Variants in MACROD2 observed in about 807,000 individuals in gnomAD.
MACROD2 encodes mono-ADP ribosylhydrolase 2.
MACROD2 carries 36 observed loss-of-function variants against 70.4 expected under a neutral mutation model. The observed-to-expected ratio is 0.51, with a 90% CI of 0.39 to 0.68. The LOEUF (loss-of-function observed/expected upper bound fraction) is 0.68, where lower values mean the gene tolerates loss of function less well. MACROD2 is among the 30% of genes least tolerant of loss of function. The pLI, the probability that MACROD2 is intolerant of heterozygous loss-of-function variation, is 0.00. For synonymous variants in MACROD2, 172 were observed against 178.8 expected, an observed-to-expected ratio of 0.96 and a Z score of 0.30; for missense variants, 496 against 538.4, an observed-to-expected ratio of 0.92 and a Z score of 0.78.
At chr20:15,481,701 A>G (rs750768755) in intron 7 of MACROD2, among the ~76,000 whole-genome samples, 4 of 152,188 alleles carry the variant, frequency 2.6e-5, no homozygotes, top group African/African-American at 4.8e-5. Flanking sequence ...AAAAAAACTA[A>G]TATTTACAAG....
At chr20:14,249,532 G>C (rs532340083) in intron 3 of MACROD2, among the ~76,000 whole-genome samples, 7 of 151,938 alleles carry the variant, frequency 4.6e-5, no homozygotes. Flanking sequence ...GGGACCACAG[G>C]GGGTCACAGA....
intron 6 of MACROD2, among the ~76,000 whole-genome samples, chr20:15,236,720 C>T (rs959683404): frequency 6.6e-6 from 1 of 152,168 alleles, no homozygotes; most frequent in African/African-American, 2.4e-5. Context: ...ATTATGTTGA[C>T]GACCGTAACT....
intron 4 of MACROD2, among the ~76,000 whole-genome samples, chr20:14,676,367 T>C (rs2070861603): frequency 6.6e-6 from 1 of 152,168 alleles, no homozygotes. Context: ...ACAAACTGTC[T>C]CTCAGACCAC....
intron 5 of MACROD2, among the ~76,000 whole-genome samples, chr20:15,208,091 T>TA (rs1792583547): frequency 6.6e-6 from 1 of 151,922 alleles, no homozygotes; most frequent in Non-Finnish European, 1.5e-5. Flanking sequence ...CTCTATTTTT[T>TA]TTGACGTTTG....
chr20:15,938,762 A>G (rs1294301143), intron 12 of MACROD2, among the ~76,000 whole-genome samples: 3 of 152,174 alleles, frequency 2.0e-5, no homozygotes, highest in African/African-American at 7.2e-5. Context: ...GAAGGTAGGT[A>G]TGTTGAAATC....
chr20:15,587,822 A>G (rs1273089699), intron 8 of MACROD2, among the ~76,000 whole-genome samples: 1 of 152,182 alleles, frequency 6.6e-6, no homozygotes, highest in Non-Finnish European at 1.5e-5. Context: ...TTTGCAGGGT[A>G]CAGTCTCCCT....
In MACROD2 at chr20:15,367,682, G is replaced by C. The variant is rs140922661; in HGVS notation, c.541-63723G>C. On this transcript the variant is annotated intron_variant, in intron 6 of 17. Transcript: ENST00000684519. Reference sequence around the variant, plus strand: ...AAGCCCTGATTATAAAATTATAAAAGCAAAGATTTTTTTGTTTGCTTTGTT... The same window carrying C: ...AAGCCCTGATTATAAAATTATAAAACCAAAGATTTTTTTGTTTGCTTTGTT... Among the ~76,000 whole-genome samples, 76 of 151,992 alleles carry C rather than the reference G, an allele frequency of 5.0e-4. 1 individual carries two copies. In the East Asian group the frequency reaches 0.015, roughly 29 times the overall value.
intron 3 of MACROD2, among the ~76,000 whole-genome samples, chr20:14,189,540 G>A (rs572789343): frequency 2.6e-5 from 4 of 152,200 alleles, no homozygotes; most frequent in African/African-American, 9.6e-5. Flanking sequence ...TAAGGTTATA[G>A]GGGTTTAAAA....
Position 14,864,168 on chromosome 20 carries a change from A to T in MACROD2, c.418+179209A>T, listed in dbSNP as rs139743117. Among the ~76,000 whole-genome samples the T allele has an allele frequency of 3.7e-3, 561 of 152,268 alleles. 7 individuals carry two copies. Among genetic ancestry groups the T allele is most frequent in the African/African-American group, 0.013 (542 of 41,570 alleles). ...ATATGTTTTATAAATACTAAATAAC[A>T]TGTCCTTTTCTTGCTGCCTAAGACA... On this transcript the variant is annotated intron_variant, in intron 5 of 17. Transcript: ENST00000684519.
intron 5 of MACROD2, among the ~76,000 whole-genome samples, chr20:14,981,769 C>G (rs1242097507): frequency 1.3e-5 from 2 of 152,134 alleles, no homozygotes; most frequent in Non-Finnish European, 2.9e-5. Context: ...CAATAAACCT[C>G]TTTCTTTTGT....
intron 6 of MACROD2, among the ~76,000 whole-genome samples, chr20:15,304,623 T>A (rs1461997039): frequency 6.6e-6 from 1 of 152,206 alleles, no homozygotes; most frequent in Non-Finnish European, 1.5e-5. Context: ...AGTGGCGTTA[T>A]CAGCACCAGC....
chr20:14,430,247 CT>C (rs1181347643), intron 3 of MACROD2, among the ~76,000 whole-genome samples: 1 of 152,158 alleles, frequency 6.6e-6, no homozygotes, highest in African/African-American at 2.4e-5. Flanking sequence ...GCATTGCAGA[CT>C]TTCCAAAGAC....
intron 6 of MACROD2, among the ~76,000 whole-genome samples, chr20:15,345,089 T>C (rs2078150471): frequency 6.8e-6 from 1 of 147,848 alleles, no homozygotes; most frequent in South Asian, 2.2e-4. Context: ...CTCTGGGGTC[T>C]CTTTTATAAG....
intron 2 of MACROD2, among the ~76,000 whole-genome samples, chr20:14,016,352 C>T (rs759256111): frequency 2.0e-4 from 31 of 152,130 alleles, no homozygotes; most frequent in Non-Finnish European, 4.3e-4. Context: ...TTTTCTCACA[C>T]TTTGTGGGTC....
chr20:14,293,989 C>G (rs2082407549), intron 3 of MACROD2, among the ~76,000 whole-genome samples: 1 of 151,692 alleles, frequency 6.6e-6, no homozygotes, highest in Admixed American at 6.6e-5. Context: ...GGCAGTGAAT[C>G]ATTTGTTATG....
chr20:15,716,785 G>A (rs1308158609), intron 8 of MACROD2, among the ~76,000 whole-genome samples: 1 of 152,092 alleles, frequency 6.6e-6, no homozygotes, highest in African/African-American at 2.4e-5. Context: ...TTTATAACAG[G>A]CCCTAAGTGA....
rs151290497 is a variant in MACROD2, at chr20:15,525,119, G to A, written c.645+25272G>A. ...TCTCAGCATTCGGCCATTTCCAGGTGCCTTACTGTTGGCTCATAAAGATGT... is the reference window on the plus strand; with the variant it reads ...TCTCAGCATTCGGCCATTTCCAGGTACCTTACTGTTGGCTCATAAAGATGT... On this transcript the variant is annotated intron_variant, in intron 8 of 17. Transcript: ENST00000684519. Among the ~76,000 whole-genome samples the A allele has an allele frequency of 1.7e-3, 257 of 152,322 alleles. 1 individual carries two copies. Among genetic ancestry groups the A allele is most frequent in the African/African-American group, 5.7e-3 (239 of 41,572 alleles).
chr20:15,772,194 C>T (rs1351405236), intron 8 of MACROD2, among the ~76,000 whole-genome samples: 1 of 149,492 alleles, frequency 6.7e-6, no homozygotes, highest in Non-Finnish European at 1.5e-5. Flanking sequence ...CGTGGTCAAG[C>T]TCTTTGGCCT....
intron 3 of MACROD2, among the ~76,000 whole-genome samples, chr20:14,101,854 CAAAAT>C (rs1279268329): frequency 1.3e-5 from 2 of 151,602 alleles, no homozygotes; most frequent in Non-Finnish European, 2.9e-5. Context: ...AGCAAATAGA[CAAAAT>C]AAAACATCAA....
Sources: gnomAD v4.1 joint callset for allele counts (sites outside exome capture counted in the v4.1 genomes callset) on GRCh38, gnomAD v4.1.1 for gene constraint, MANE v1.5 for transcripts, NCBI Gene and HGNC (gene_info 2026-07-23, HGNC 2026-07-21) for gene names.